Variants in DENND5B observed in about 807,000 individuals in gnomAD.
DENND5B encodes DENN domain-containing protein 5B.
In DENND5B, 34 loss-of-function variants were observed where a neutral mutation model predicts 140.6. That is an observed-to-expected ratio of 0.24 (90% CI 0.18 to 0.32). The LOEUF (loss-of-function observed/expected upper bound fraction) is 0.32. DENND5B is among the 10% of genes least tolerant of loss of function. The pLI is 1.00. For synonymous variants in DENND5B, 551 were observed against 562.1 expected, an observed-to-expected ratio of 0.98 and a Z score of 0.28; for missense variants, 1,142 against 1,560.2, an observed-to-expected ratio of 0.73 and a Z score of 4.52.
intron 1 of DENND5B, among the ~76,000 whole-genome samples, chr12:31,580,350 T>C (rs1750733615): frequency 6.6e-6 from 1 of 152,232 alleles, no homozygotes; most frequent in Non-Finnish European, 1.5e-5. Flanking sequence ...ATTTTATAGT[T>C]GAAAGAAATT....
rs758995325 is a variant in DENND5B, at chr12:31,442,777, G to T, written c.2010C>A (p.Asn670Lys). The T allele has an allele frequency of 6.2e-7, 1 of 1,612,964 alleles. No homozygotes were observed. Among genetic ancestry groups the T allele is most frequent in the East Asian group, 2.2e-5 (1 of 44,846 alleles). Reference protein sequence around the residue: ...SDVLATGPTSNNRWVSRSATA... With the variant: ...SDVLATGPTSKNRWVSRSATA... ...ACTCAAGTGAAGAACATGCTTACTT[G>T]TTACTGGTTGGTCCTGTTGCCAAGA... The change falls in exon 7 of 21, where the codon AAC becomes AAA. Residue 670 changes from asparagine (N) to lysine (K), a missense_variant and splice_region_variant. Transcript: ENST00000389082.
chr12:31,484,744 T>C, intron 2 of DENND5B, among the ~76,000 whole-genome samples: 1 of 152,124 alleles, frequency 6.6e-6, no homozygotes, highest in Non-Finnish European at 1.5e-5. Context: ...GAGGTTGCAG[T>C]GAGCCGAGAT....
chr12:31,540,023 T>A (rs1390028703), intron 1 of DENND5B, among the ~76,000 whole-genome samples: 1 of 152,034 alleles, frequency 6.6e-6, no homozygotes, highest in Non-Finnish European at 1.5e-5. Flanking sequence ...ACAAAATCAG[T>A]AAAGCTGCAG....
chr12:31,527,189 G>A (rs541130039), intron 1 of DENND5B, among the ~76,000 whole-genome samples: 3 of 152,278 alleles, frequency 2.0e-5, no homozygotes, highest in South Asian at 4.1e-4. Context: ...TAGTCATCTG[G>A]AAAGGACTCA....
At chr12:31,516,968 T>C (rs1037143449) in intron 1 of DENND5B, among the ~76,000 whole-genome samples, 2 of 152,086 alleles carry the variant, frequency 1.3e-5, no homozygotes, top group Admixed American at 1.3e-4. Context: ...AATTAGAGCA[T>C]ATAGAGAAGT....
chr12:31,402,896 A>G (rs1355418278), intron 14 of DENND5B, among the ~76,000 whole-genome samples: 1 of 152,144 alleles, frequency 6.6e-6, no homozygotes, highest in Non-Finnish European at 1.5e-5. Flanking sequence ...TATGATGCAT[A>G]TATCAACATT....
At chr12:31,529,385 A>ATC (rs1565667837) in intron 1 of DENND5B, among the ~76,000 whole-genome samples, 1 of 152,148 alleles carries the variant, frequency 6.6e-6, no homozygotes. Context: ...ATCTTGGAAG[A>ATC]TTTTCTGGTT....
At chr12:31,583,829 C>T (rs188282307) in intron 1 of DENND5B, among the ~76,000 whole-genome samples, 64 of 152,318 alleles carry the variant, frequency 4.2e-4, no homozygotes, top group African/African-American at 1.5e-3. Flanking sequence ...TACGTATGTA[C>T]TCCAGAATCT....
In DENND5B at chr12:31,550,063, T is replaced by A. The variant is rs567705912; in HGVS notation, c.127+40643A>T. On this transcript the variant is annotated intron_variant, in intron 1 of 20. Transcript: ENST00000389082. ...GGCCATTCTTTTTTTCTTTTTTTTT[T>A]AAATTTTATTATTATTATACTTTAA... 1.8e-3 allele frequency among the ~76,000 whole-genome samples: 278 copies of A among 152,064 alleles called. 2 individuals carry two copies. Among genetic ancestry groups the A allele is most frequent in the South Asian group, 0.01 (50 of 4,802 alleles).
intron 2 of DENND5B, among the ~76,000 whole-genome samples, chr12:31,484,442 A>T (rs919878389): frequency 6.6e-6 from 1 of 152,128 alleles, no homozygotes; most frequent in African/African-American, 2.4e-5. Flanking sequence ...TGACATGTGA[A>T]GCAAATTGGA....
intron 1 of DENND5B, among the ~76,000 whole-genome samples, chr12:31,584,614 A>AG (rs1237440907): frequency 6.6e-6 from 1 of 151,988 alleles, no homozygotes; most frequent in African/African-American, 2.4e-5. Flanking sequence ...CAGGAGTTTG[A>AG]GATCAGCTTA....
intron 1 of DENND5B, among the ~76,000 whole-genome samples, chr12:31,578,504 T>C (rs1003842507): frequency 2.0e-5 from 3 of 152,252 alleles, no homozygotes; most frequent in Non-Finnish European, 4.4e-5. Flanking sequence ...TTTCCCATTA[T>C]GTATGGGGCT....
intron 1 of DENND5B, among the ~76,000 whole-genome samples, chr12:31,559,014 A>G (rs1344416179): frequency 6.6e-6 from 1 of 152,240 alleles, no homozygotes; most frequent in East Asian, 1.9e-4. Context: ...CTTCAAATAT[A>G]GATCATATAA....
chr12:31,407,801 C>A (rs1942216530), intron 14 of DENND5B, among the ~76,000 whole-genome samples: 1 of 152,210 alleles, frequency 6.6e-6, no homozygotes, highest in South Asian at 2.1e-4. Context: ...GCACTGCCCA[C>A]TGCCTACTTT....
At chr12:31,585,025 CTT>C (rs1260112653) in intron 1 of DENND5B, among the ~76,000 whole-genome samples, 2 of 152,020 alleles carry the variant, frequency 1.3e-5, no homozygotes. Flanking sequence ...GTGCCAGACT[CTT>C]TTTAACAACT....
chr12:31,428,755 G>A lies in DENND5B; in HGVS notation c.2107-2331C>T, dbSNP rs146217662. ...CTAATTATTTATTTATTTTTGAGACGGAGTCTCCCTGTGTCGCCCAGGCTG... is the reference window on the plus strand; with the variant it reads ...CTAATTATTTATTTATTTTTGAGACAGAGTCTCCCTGTGTCGCCCAGGCTG... On this transcript the variant is annotated intron_variant, in intron 8 of 20. Coordinates refer to ENST00000389082, the MANE Select transcript of DENND5B (RefSeq NM_144973.4). 3.3e-3 allele frequency among the ~76,000 whole-genome samples: 508 copies of A among 152,100 alleles called. 5 individuals are homozygous for A. Among genetic ancestry groups the A allele is most frequent in the African/African-American group, 0.011 (475 of 41,490 alleles).
intron 1 of DENND5B, among the ~76,000 whole-genome samples, chr12:31,567,334 G>A (rs1387656700): frequency 6.9e-6 from 1 of 145,512 alleles, no homozygotes; most frequent in Non-Finnish European, 1.5e-5. Context: ...AAAAAAAGAA[G>A]TTGCCAAATT....
chr12:31,483,134 A>G (rs1946134451), intron 2 of DENND5B, among the ~76,000 whole-genome samples: 2 of 152,184 alleles, frequency 1.3e-5, no homozygotes, highest in African/African-American at 4.8e-5. Flanking sequence ...TGGCAGATAT[A>G]GCTCCAATAA....
chr12:31,553,792 G>T (rs1949162902), intron 1 of DENND5B, among the ~76,000 whole-genome samples: 2 of 152,194 alleles, frequency 1.3e-5, no homozygotes, highest in South Asian at 4.1e-4. Context: ...TCTTCTTGTT[G>T]AATTGATCCC....
Sources: allele counts gnomAD v4.1 joint callset (sites outside exome capture counted in the v4.1 genomes callset), GRCh38; gene constraint gnomAD v4.1.1; transcripts MANE v1.5; gene names NCBI Gene and HGNC (gene_info 2026-07-23, HGNC 2026-07-21).